Variants in LARP1 observed in about 807,000 individuals in gnomAD.
The protein encoded by LARP1 is La ribonucleoprotein 1, translational regulator.
Under a neutral mutation model 122.7 loss-of-function variants are expected in LARP1, and 36 were observed. The ratio of observed to expected loss-of-function variants is 0.29; its 90% CI spans 0.22 to 0.39. The LOEUF is 0.39. Among genes scored for constraint, LARP1 ranks in the 10% least tolerant of loss-of-function variants. The probability of loss-of-function intolerance (pLI) is 1.00; values close to 1 mark genes in which losing one functional copy is unlikely to be tolerated. For missense variants in LARP1, 1,040 were observed against 1,403.6 expected (o/e 0.74, Z 4.14); for synonymous variants, 539 against 528.7 (o/e 1.02, Z -0.27).
chr5:154,800,348 T>C (rs979514908), intron 10 of LARP1, among the ~76,000 whole-genome samples: 2 of 152,342 alleles, frequency 1.3e-5, no homozygotes, highest in East Asian at 3.9e-4. Flanking sequence ...TTGGCTCTTC[T>C]TTTTGCTCCA....
At chr5:154,804,778 A>G (rs1758625923) in intron 14 of LARP1, 1 of 456,146 alleles carries the variant, frequency 2.2e-6, no homozygotes, top group Non-Finnish European at 4.4e-6. Flanking sequence ...TTTCAGTAAG[A>G]TGGCCCCAGT....
intron 1 of LARP1, among the ~76,000 whole-genome samples, chr5:154,748,724 A>G (rs1031398693): frequency 9.8e-5 from 15 of 152,352 alleles, no homozygotes; most frequent in East Asian, 9.6e-4. Context: ...CTGAAGCTCT[A>G]TGAGATAAGT....
At chr5:154,811,734 GC>G in intron 18 of LARP1, 94 bp downstream of exon 18, 1 of 1,482,130 alleles carries the variant, frequency 6.7e-7, no homozygotes, top group Non-Finnish European at 9.3e-7. Context: ...TGTGCCCCTA[GC>G]CCAGGAACCC....
rs1759560586 is a variant in LARP1 at position 154,814,864 on chromosome 5, AAAG to A, written c.*774_*776del. The A allele has an allele frequency of 6.6e-6, 1 of 152,234 alleles. No homozygotes were observed. Among genetic ancestry groups the A allele is most frequent in the Non-Finnish European group, 1.5e-5 (1 of 67,964 alleles). 9.4% of individuals were successfully genotyped at this position (152,234 alleles called of 1,614,324 possible). A position where few individuals can be genotyped will look rare whatever the true frequency, so the allele number is the denominator to read the frequency against. On this transcript the variant is annotated 3_prime_UTR_variant, in exon 19 of 19. Coordinates refer to ENST00000518297, the MANE Select transcript of LARP1 (RefSeq NM_033551.3). ...TTCCATCCTTGAAAAAATGGGGAAA[AAAG>A]AAGAAAAAAGACAAAATCGACCATA...
chr5:154,814,286 A>C lies in LARP1; in HGVS notation c.*190A>C. On this transcript the variant is annotated 3_prime_UTR_variant, in exon 19 of 19. Coordinates refer to ENST00000518297, the MANE Select transcript of LARP1 (RefSeq NM_033551.3). The stretch of plus-strand genomic sequence containing the variant: ...GGTACCCCTGGGCAGGAGCCTCTAC[A>C]TCCCCTTCCCCCTCCTCTCTCCATG... The C allele has an allele frequency of 3.6e-6, 2 of 552,042 alleles. No homozygotes were observed. Among genetic ancestry groups the C allele is most frequent in the Non-Finnish European group, 3.2e-6 (1 of 308,380 alleles). The allele number at this position is 552,042 out of a possible 1,614,324, so 34.2% of individuals were successfully genotyped here.
intron 1 of LARP1, among the ~76,000 whole-genome samples, chr5:154,725,313 T>C (rs937830364): frequency 3.4e-5 from 5 of 149,082 alleles, no homozygotes; most frequent in African/African-American, 1.2e-4. Context: ...TGCTTGAACC[T>C]AGAAGGCGGA....
rs751575396 is a variant in LARP1, at chr5:154,793,831, C to T, written c.900C>T (p.Ala300=). The T allele has an allele frequency of 1.4e-5, 23 of 1,613,974 alleles. No homozygotes were observed. In the South Asian group the frequency reaches 1.6e-4, roughly 12 times the overall value. Reference sequence around the variant, plus strand: ...AGTCTGCCACCTACGTGCCCGTGGCCCCCCCCACCCCAGCCTGGCAACCAG... The same window carrying T: ...AGTCTGCCACCTACGTGCCCGTGGCTCCCCCCACCCCAGCCTGGCAACCAG... ...GSESATYVPV[A]PPTPAWQPEI... The change falls in exon 6 of 19, where the codon GCC becomes GCT. Residue 300 remains alanine (A), a synonymous_variant. Coordinates refer to ENST00000518297, the MANE Select transcript of LARP1 (RefSeq NM_033551.3).
intron 1 of LARP1, among the ~76,000 whole-genome samples, chr5:154,740,121 G>A (rs992333744): frequency 3.3e-5 from 5 of 151,634 alleles, no homozygotes; most frequent in Admixed American, 6.6e-5. Context: ...GCTGGGCGCG[G>A]TGGCTCATGC....
intron 1 of LARP1, among the ~76,000 whole-genome samples, chr5:154,781,371 A>G (rs972911149): frequency 6.6e-6 from 1 of 152,200 alleles, no homozygotes; most frequent in Non-Finnish European, 1.5e-5. Context: ...AGGCGGGCGG[A>G]TCACGAGTCA....
At chr5:154,722,384 C>T (rs1193267826) in intron 1 of LARP1, among the ~76,000 whole-genome samples, 2 of 152,178 alleles carry the variant, frequency 1.3e-5, no homozygotes, top group Non-Finnish European at 2.9e-5. Flanking sequence ...TTGCTCTCCC[C>T]AGGCTGGTGG....
In LARP1 at chr5:154,795,097, G is replaced by A. The variant is rs913195006; in HGVS notation, c.1233-78G>A. Reference sequence around the variant, plus strand: ...AGGCTGTGTGAGATTGCTGGGGTGTGTAGCAGAACAAGGAAGGCATACTCA... The same window carrying A: ...AGGCTGTGTGAGATTGCTGGGGTGTATAGCAGAACAAGGAAGGCATACTCA... On this transcript the variant is annotated intron_variant, in intron 7 of 18. Transcript: ENST00000518297. 7 of 1,384,654 alleles carry A rather than the reference G, an allele frequency of 5.1e-6. No individual in the cohort carries two copies. In the African/African-American group the frequency reaches 7.1e-5, roughly 14 times the overall value. 85.8% of individuals were successfully genotyped at this position (1,384,654 alleles called of 1,614,324 possible).
intron 1 of LARP1, among the ~76,000 whole-genome samples, chr5:154,767,058 G>C (rs1252776964): frequency 1.3e-5 from 2 of 152,200 alleles, no homozygotes; most frequent in Non-Finnish European, 2.9e-5. Flanking sequence ...CTACAGTTCT[G>C]TTTTAACTCT....
chr5:154,685,919 A>C, intron 1 of LARP1: 3 of 486,580 alleles, frequency 6.2e-6, no homozygotes, highest in South Asian at 4.6e-5. Context: ...TGCTTCCCCA[A>C]GCTACCTCGT....
At chr5:154,685,853 C>A (rs1473921471) in intron 1 of LARP1, 1 of 511,846 alleles carries the variant, frequency 2.0e-6, no homozygotes, top group Non-Finnish European at 3.9e-6. Flanking sequence ...TGCTCTGTTG[C>A]CAGGCTTTGT....
chr5:154,696,125 G>A (rs1754461045), intron 1 of LARP1, among the ~76,000 whole-genome samples: 1 of 152,162 alleles, frequency 6.6e-6, no homozygotes, highest in South Asian at 2.1e-4. Context: ...GGGAGGCCAA[G>A]GCAGGGAGAT....
intron 1 of LARP1, among the ~76,000 whole-genome samples, chr5:154,684,071 A>G (rs1449466240): frequency 6.6e-6 from 1 of 152,206 alleles, no homozygotes; most frequent in African/African-American, 2.4e-5. Context: ...AAGGGCTACA[A>G]AGGCAATATG....
At chr5:154,766,830 T>C (rs1754995785) in intron 1 of LARP1, among the ~76,000 whole-genome samples, 1 of 152,224 alleles carries the variant, frequency 6.6e-6, no homozygotes, top group African/African-American at 2.4e-5. Context: ...CCCAGTTTCC[T>C]AGTTGTCAGC....
At chr5:154,704,156 C>T (rs894760093) in intron 1 of LARP1, among the ~76,000 whole-genome samples, 2 of 152,172 alleles carry the variant, frequency 1.3e-5, no homozygotes, top group Non-Finnish European at 2.9e-5. Flanking sequence ...CAACAAGCTG[C>T]ACTTTTTTTC....
At chr5:154,779,875 T>C (rs906476297) in intron 1 of LARP1, among the ~76,000 whole-genome samples, 3 of 152,108 alleles carry the variant, frequency 2.0e-5, no homozygotes, top group Non-Finnish European at 4.4e-5. Context: ...GTGGGGAGTC[T>C]GCAGGTGGGG....
Sources: allele counts gnomAD v4.1 joint callset (sites outside exome capture counted in the v4.1 genomes callset), GRCh38; gene constraint gnomAD v4.1.1; transcripts MANE v1.5; gene names NCBI Gene and HGNC (gene_info 2026-07-23, HGNC 2026-07-21).